The following DCC variants were observed in gnomAD, a reference collection of about 807,000 sequenced individuals.
DCC encodes DCC netrin 1 receptor.
In DCC, 58 loss-of-function variants were observed where a neutral mutation model predicts 172.5. That is an observed-to-expected ratio of 0.34 (90% CI 0.27 to 0.42). The LOEUF is 0.42. DCC is among the 10% of genes least tolerant of loss of function. The probability of loss-of-function intolerance (pLI) is 1.00; values close to 1 mark genes in which losing one functional copy is unlikely to be tolerated. For synonymous variants in DCC, 709 were observed against 644.5 expected (o/e 1.10, Z -1.52); for missense variants, 1,740 against 1,791.0 (o/e 0.97, Z 0.51).
chr18:52,664,562 C>T (rs1186015120), intron 1 of DCC, among the ~76,000 whole-genome samples: 1 of 149,552 alleles, frequency 6.7e-6, no homozygotes, highest in African/African-American at 2.5e-5. Context: ...ACTCCGCCTC[C>T]TGGGTTCACG....
intron 5 of DCC, among the ~76,000 whole-genome samples, chr18:52,941,485 T>G (rs950702740): frequency 8.6e-6 from 1 of 116,396 alleles, no homozygotes; most frequent in African/African-American, 3.2e-5. Context: ...TATATACATG[T>G]TTGTGTGTGT....
intron 1 of DCC, among the ~76,000 whole-genome samples, chr18:52,723,236 T>A (rs1269986864): frequency 6.6e-6 from 1 of 152,222 alleles, no homozygotes; most frequent in East Asian, 1.9e-4. Flanking sequence ...TGTGTCTTTA[T>A]ATTCAAGTGA....
At chr18:53,445,042 A>G (rs973911440) in intron 22 of DCC, among the ~76,000 whole-genome samples, 1 of 152,308 alleles carries the variant, frequency 6.6e-6, no homozygotes, top group South Asian at 2.1e-4. Flanking sequence ...CAGCATATTA[A>G]AAATCCAAAT....
In DCC at chr18:52,495,724, A is replaced by G. The variant is rs553537771; in HGVS notation, c.91+154846A>G. Among the ~76,000 whole-genome samples, 3 of 152,010 alleles carry G rather than the reference A, an allele frequency of 2.0e-5. No homozygotes were observed. The South Asian group carries it at 6.2e-4, about 32-fold the overall frequency. On this transcript the variant is annotated intron_variant, in intron 1 of 28. Transcript: ENST00000442544. ...AGCTTGAGAAGCTGTAAAGGCTTTG[A>G]ATTCTGGCTGCATTTTTTATTTATT...
intron 2 of DCC, among the ~76,000 whole-genome samples, chr18:52,776,439 C>T (rs979734684): frequency 6.6e-6 from 1 of 151,954 alleles, no homozygotes; most frequent in Non-Finnish European, 1.5e-5. Context: ...TCTATAAGAT[C>T]TGTTCTATTT....
chr18:52,911,660 C>T (rs944472942), intron 3 of DCC, among the ~76,000 whole-genome samples: 1 of 151,866 alleles, frequency 6.6e-6, no homozygotes, highest in Non-Finnish European at 1.5e-5. Flanking sequence ...CATAAACATA[C>T]ACCCAAAAAA....
chr18:52,389,148 G>A (rs902343982), intron 1 of DCC, among the ~76,000 whole-genome samples: 12 of 152,000 alleles, frequency 7.9e-5, no homozygotes, highest in African/African-American at 1.4e-4. Context: ...TCATCTTGTC[G>A]ATGAGTTCAT....
chr18:52,929,820 ACACACACAC>A (rs2040277636), intron 5 of DCC, among the ~76,000 whole-genome samples: 1 of 5,820 alleles, frequency 1.7e-4, no homozygotes, highest in Non-Finnish European at 7.0e-4. Context: ...CTTTGCAAAC[ACACACACAC>A]ACACACACAC....
At chr18:53,170,211 C>T (rs1481996923) in intron 8 of DCC, among the ~76,000 whole-genome samples, 3 of 152,168 alleles carry the variant, frequency 2.0e-5, no homozygotes, top group Non-Finnish European at 2.9e-5. Flanking sequence ...ACTCATCCAC[C>T]AGTGGGGACA....
chr18:53,226,948 A>ATATATATATATATATATATTTTTTTTTTT, intron 12 of DCC, among the ~76,000 whole-genome samples: 15 of 52,940 alleles, frequency 2.8e-4, no homozygotes, highest in Non-Finnish European at 5.6e-4. Flanking sequence ...ATATATATAT[A>ATATATATATATATATATATTTTTTTTTTT]TTTTTTTTTT....
chr18:52,492,573 C>G (rs182922207), intron 1 of DCC, among the ~76,000 whole-genome samples: 13 of 151,886 alleles, frequency 8.6e-5, no homozygotes, highest in African/African-American at 2.9e-4. Context: ...TTCATGATTT[C>G]TCCTTGCTGA....
chr18:52,785,748 G>A (rs2037645522), intron 2 of DCC, among the ~76,000 whole-genome samples: 1 of 152,028 alleles, frequency 6.6e-6, no homozygotes, highest in Admixed American at 6.6e-5. Context: ...GGATTTGGGT[G>A]GCTAGAGTAA....
chr18:52,804,198 G>C (rs2038045098), intron 2 of DCC, among the ~76,000 whole-genome samples: 1 of 152,166 alleles, frequency 6.6e-6, no homozygotes, highest in Admixed American at 6.5e-5. Flanking sequence ...CTTACCATGT[G>C]TCACATTCTG....
chr18:53,528,030 A>C (rs983504413), intron 28 of DCC, among the ~76,000 whole-genome samples: 26 of 152,126 alleles, frequency 1.7e-4, no homozygotes, highest in African/African-American at 6.3e-4. Context: ...ATTTGCAAAT[A>C]ATGTATTGAA....
intron 24 of DCC, among the ~76,000 whole-genome samples, chr18:53,460,833 CT>C (rs1314501498): frequency 6.6e-6 from 1 of 152,124 alleles, no homozygotes; most frequent in South Asian, 2.1e-4. Flanking sequence ...ATTTCTAGTT[CT>C]AGATCCCTGA....
chr18:53,305,164 C>T (rs1200214719), intron 12 of DCC, among the ~76,000 whole-genome samples: 1 of 152,182 alleles, frequency 6.6e-6, no homozygotes, highest in Non-Finnish European at 1.5e-5. Flanking sequence ...TTATAAATTA[C>T]CCAGTCTCAA....
At chr18:52,559,402 TGCCCA>T (rs1219903636) in intron 1 of DCC, among the ~76,000 whole-genome samples, 1 of 152,208 alleles carries the variant, frequency 6.6e-6, no homozygotes, top group Admixed American at 6.5e-5. Flanking sequence ...TGAGCCACCA[TGCCCA>T]GCCTAAGAGA....
intron 10 of DCC, among the ~76,000 whole-genome samples, chr18:53,205,847 C>T (rs1355010070): frequency 1.3e-5 from 2 of 151,950 alleles, no homozygotes; most frequent in African/African-American, 4.8e-5. Flanking sequence ...TCTGAGAAGC[C>T]TAGTCTCCTT....
intron 5 of DCC, among the ~76,000 whole-genome samples, chr18:53,036,345 T>C (rs757711080): frequency 6.6e-6 from 1 of 151,996 alleles, no homozygotes; most frequent in African/African-American, 2.4e-5. Context: ...CTTTCTTATA[T>C]GTGATTTTAT....
Sources: allele counts gnomAD v4.1 joint callset (sites outside exome capture counted in the v4.1 genomes callset), GRCh38; gene constraint gnomAD v4.1.1; transcripts MANE v1.5; gene names NCBI Gene and HGNC (gene_info 2026-07-23, HGNC 2026-07-21).